The following NRXN3 variants were observed in gnomAD, a reference collection of about 807,000 sequenced individuals.
The protein encoded by NRXN3 is neurexin 3, also known as neurexin III.
A neutral mutation model predicts 137.6 loss-of-function variants in NRXN3; 32 were observed. That is an observed-to-expected ratio of 0.23 (90% CI 0.18 to 0.31). The LOEUF is 0.31. NRXN3 is among the 10% of genes least tolerant of loss of function. The pLI, the probability that NRXN3 is intolerant of heterozygous loss-of-function variation, is 1.00. For missense variants in NRXN3, 1,574 were observed against 2,062.5 expected (o/e 0.76, Z 4.59); for synonymous variants, 798 against 784.5 (o/e 1.02, Z -0.29).
At chr14:78,830,876 A>G (rs1183540198) in intron 10 of NRXN3, among the ~76,000 whole-genome samples, 1 of 152,196 alleles carries the variant, frequency 6.6e-6, no homozygotes, top group African/African-American at 2.4e-5. Context: ...ATCTGACAAC[A>G]ATGGAAAAAT....
intron 4 of NRXN3, among the ~76,000 whole-genome samples, chr14:78,553,553 A>T (rs562423374): frequency 6.6e-6 from 1 of 152,314 alleles, no homozygotes; most frequent in African/African-American, 2.4e-5. Flanking sequence ...AAAGGCTTCT[A>T]TCAGCAAGAA....
intron 4 of NRXN3, among the ~76,000 whole-genome samples, chr14:78,624,056 C>T (rs2097431224): frequency 6.6e-6 from 1 of 152,128 alleles, no homozygotes; most frequent in Non-Finnish European, 1.5e-5. Context: ...ATTAGCGTGC[C>T]CTTTCAGCCC....
chr14:78,389,775 C>T (rs951994735), intron 4 of NRXN3, among the ~76,000 whole-genome samples: 6 of 151,972 alleles, frequency 3.9e-5, no homozygotes, highest in African/African-American at 1.4e-4. Flanking sequence ...GAGACTCTTT[C>T]CTTTTATGAT....
intron 19 of NRXN3, among the ~76,000 whole-genome samples, chr14:79,700,077 C>A: frequency 6.6e-6 from 1 of 151,984 alleles, no homozygotes; most frequent in East Asian, 1.9e-4. Flanking sequence ...AACTTAAAAG[C>A]CTCATCTTCA....
At chr14:79,140,264 AAC>A (rs2058667990) in intron 15 of NRXN3, among the ~76,000 whole-genome samples, 2 of 152,166 alleles carry the variant, frequency 1.3e-5, no homozygotes, top group African/African-American at 4.8e-5. Flanking sequence ...TGCTTACATG[AAC>A]TGGAGAACTT....
At chr14:78,676,637 T>C (rs538893281) in intron 6 of NRXN3, among the ~76,000 whole-genome samples, 69 of 152,160 alleles carry the variant, frequency 4.5e-4, no homozygotes, top group Non-Finnish European at 7.9e-4. Context: ...CTAGGTAAGA[T>C]CATTGATGAA....
At chr14:79,772,807 C>T (rs2099083186) in intron 19 of NRXN3, among the ~76,000 whole-genome samples, 1 of 152,086 alleles carries the variant, frequency 6.6e-6, no homozygotes, top group Non-Finnish European at 1.5e-5. Flanking sequence ...AGCTTCTGCA[C>T]AGCAGAAGAA....
chr14:78,481,857 T>C (rs975053911), intron 4 of NRXN3, among the ~76,000 whole-genome samples: 5 of 152,202 alleles, frequency 3.3e-5, no homozygotes, highest in Non-Finnish European at 5.9e-5. Flanking sequence ...GACTCTTTTA[T>C]ATTATAGAGT....
At chr14:79,629,424 C>G (rs2153930360) in intron 16 of NRXN3, among the ~76,000 whole-genome samples, 1 of 152,188 alleles carries the variant, frequency 6.6e-6, no homozygotes, top group East Asian at 1.9e-4. Flanking sequence ...CATCACAGGA[C>G]TGTTAAAAAT....
intron 15 of NRXN3, among the ~76,000 whole-genome samples, chr14:79,216,970 A>G (rs1222965808): frequency 6.6e-6 from 1 of 152,044 alleles, no homozygotes; most frequent in Non-Finnish European, 1.5e-5. Context: ...CCCTGTCTCT[A>G]CTAAAAGTAC....
intron 4 of NRXN3, among the ~76,000 whole-genome samples, chr14:78,486,855 T>C (rs922850184): frequency 6.6e-6 from 1 of 152,184 alleles, no homozygotes; most frequent in African/African-American, 2.4e-5. Context: ...GTATTGATTA[T>C]AGTCATGGGC....
intron 4 of NRXN3, among the ~76,000 whole-genome samples, chr14:78,558,094 C>T (rs1433452414): frequency 6.6e-6 from 1 of 152,196 alleles, no homozygotes; most frequent in Non-Finnish European, 1.5e-5. Flanking sequence ...GATGGTTTGG[C>T]TCCAGAGTTT....
At chr14:78,573,236 G>A (rs1319366881) in intron 4 of NRXN3, among the ~76,000 whole-genome samples, 3 of 152,122 alleles carry the variant, frequency 2.0e-5, no homozygotes, top group Admixed American at 2.0e-4. Context: ...CTTCCTCATA[G>A]CAGCATGAGA....
chr14:78,407,192 G>T (rs1453075770), intron 4 of NRXN3, among the ~76,000 whole-genome samples: 1 of 152,030 alleles, frequency 6.6e-6, no homozygotes, highest in African/African-American at 2.4e-5. Flanking sequence ...TTAAAACAGA[G>T]AGCTCATTTT....
At chr14:79,369,089 G>A (rs2093998581) in intron 15 of NRXN3, among the ~76,000 whole-genome samples, 1 of 152,200 alleles carries the variant, frequency 6.6e-6, no homozygotes, top group African/African-American at 2.4e-5. Context: ...AAGAAGAGTT[G>A]TTCTGAAAAT....
intron 15 of NRXN3, among the ~76,000 whole-genome samples, chr14:79,092,601 C>T (rs2152810284): frequency 6.6e-6 from 1 of 152,248 alleles, no homozygotes. Context: ...ATGTAAGTTC[C>T]ATTTAAATTC....
At chr14:79,838,105 T>A (rs2099348069) in intron 20 of NRXN3, among the ~76,000 whole-genome samples, 1 of 137,390 alleles carries the variant, frequency 7.3e-6, no homozygotes, top group Admixed American at 7.2e-5. Context: ...AAACTCAGCT[T>A]TTTGAGGGAC....
At chr14:79,126,892 T>A (rs1229083775) in intron 15 of NRXN3, among the ~76,000 whole-genome samples, 2 of 152,200 alleles carry the variant, frequency 1.3e-5, no homozygotes, top group African/African-American at 4.8e-5. Flanking sequence ...TGGTATCTCA[T>A]TGTGGTTTTG....
intron 4 of NRXN3, among the ~76,000 whole-genome samples, chr14:78,638,616 T>C (rs762248414): frequency 2.0e-5 from 3 of 151,518 alleles, no homozygotes; most frequent in Non-Finnish European, 4.4e-5. Flanking sequence ...CTTTTGCAAA[T>C]ATGATCATCT....
Sources: allele counts gnomAD v4.1 joint callset (sites outside exome capture counted in the v4.1 genomes callset), GRCh38; gene constraint gnomAD v4.1.1; transcripts MANE v1.5; gene names NCBI Gene and HGNC (gene_info 2026-07-23, HGNC 2026-07-21).